DPF3: variants seen among roughly 807,000 people sequenced by gnomAD.
The protein encoded by DPF3 is double PHD fingers 3.
In DPF3, 18 loss-of-function variants were observed where a neutral mutation model predicts 56.8. The ratio of observed to expected loss-of-function variants is 0.32; its 90% confidence interval spans 0.22 to 0.47. The LOEUF is 0.47. Ranked by LOEUF, DPF3 falls within the 20% of genes least tolerant of loss-of-function variation. The pLI is 1.00. For missense variants in DPF3, 403 were observed against 488.8 expected, an observed-to-expected ratio of 0.82 and a Z score of 1.65; for synonymous variants, 188 against 180.2, an observed-to-expected ratio of 1.04 and a Z score of -0.35.
intron 1 of DPF3, among the ~76,000 whole-genome samples, chr14:72,775,086 A>G (rs371562197): frequency 1.3e-5 from 2 of 152,132 alleles, no homozygotes; most frequent in African/African-American, 4.8e-5. Flanking sequence ...TAGAGAACTG[A>G]CAAGAACATT....
chr14:72,654,867 CATT>C (rs1886019679), intron 8 of DPF3, among the ~76,000 whole-genome samples: 1 of 152,108 alleles, frequency 6.6e-6, no homozygotes, highest in South Asian at 2.1e-4. Flanking sequence ...ACTGGAGGGT[CATT>C]ATACAAAGTA....
intron 1 of DPF3, among the ~76,000 whole-genome samples, chr14:72,777,298 C>A (rs1891782387): frequency 6.6e-6 from 1 of 152,244 alleles, no homozygotes; most frequent in African/African-American, 2.4e-5. Flanking sequence ...TCAAACTGTT[C>A]ATGGAAAGCT....
chr14:72,879,108 G>A (rs913011243), intron 1 of DPF3, among the ~76,000 whole-genome samples: 4 of 152,224 alleles, frequency 2.6e-5, no homozygotes, highest in African/African-American at 9.6e-5. Flanking sequence ...ATGTGGCCAG[G>A]CTTGGTGGCT....
intron 2 of DPF3, among the ~76,000 whole-genome samples, chr14:72,759,998 C>T (rs192975527): frequency 6.6e-6 from 1 of 151,990 alleles, no homozygotes; most frequent in African/African-American, 2.4e-5. Context: ...ATCAACAAAC[C>T]CACACTCTAA....
chr14:72,666,364 A>C (rs1487852837), intron 8 of DPF3, among the ~76,000 whole-genome samples: 1 of 152,210 alleles, frequency 6.6e-6, no homozygotes, highest in Non-Finnish European at 1.5e-5. Flanking sequence ...TCTTTTACAG[A>C]ATCAAATACC....
At chr14:72,829,615 AC>A (rs1883967538) in intron 1 of DPF3, among the ~76,000 whole-genome samples, 2 of 151,878 alleles carry the variant, frequency 1.3e-5, no homozygotes, top group Non-Finnish European at 2.9e-5. Context: ...CAAACTCCTG[AC>A]CTTGTGATCT....
chr14:72,867,307 G>A (rs903533101), intron 1 of DPF3, among the ~76,000 whole-genome samples: 4 of 152,116 alleles, frequency 2.6e-5, no homozygotes, highest in Non-Finnish European at 5.9e-5. Flanking sequence ...TCCCAGGCCT[G>A]GCCCCACCTT....
intron 1 of DPF3, among the ~76,000 whole-genome samples, chr14:72,860,652 A>AC (rs1885359994): frequency 6.6e-6 from 1 of 150,566 alleles, no homozygotes. Context: ...ACAAACCTCC[A>AC]CCTCCTGGTT....
intron 1 of DPF3, among the ~76,000 whole-genome samples, chr14:72,788,924 G>A (rs1375501149): frequency 6.6e-6 from 1 of 152,184 alleles, no homozygotes; most frequent in Non-Finnish European, 1.5e-5. Flanking sequence ...GATTATTTTT[G>A]TCTTCACCTG....
chr14:72,847,135 T>C (rs1884792271), intron 1 of DPF3, among the ~76,000 whole-genome samples: 1 of 152,192 alleles, frequency 6.6e-6, no homozygotes, highest in South Asian at 2.1e-4. Flanking sequence ...TCCCCAGATA[T>C]CCGTGAGTTG....
At chr14:72,673,454 T>C (rs201020831) in intron 8 of DPF3, among the ~76,000 whole-genome samples, 4 of 152,078 alleles carry the variant, frequency 2.6e-5, no homozygotes, top group East Asian at 3.9e-4. Context: ...ATATGAAAAA[T>C]AGGTAGTACC....
intron 2 of DPF3, among the ~76,000 whole-genome samples, chr14:72,768,848 C>CA (rs900729531): frequency 6.7e-6 from 1 of 149,842 alleles, no homozygotes; most frequent in Non-Finnish European, 1.5e-5. Context: ...AAAAGACTTG[C>CA]AAAAAAAAGA....
intron 8 of DPF3, chr14:72,671,427 T>G: frequency 1.4e-5 from 21 of 1,503,278 alleles, no homozygotes; most frequent in Non-Finnish European, 1.8e-5. Context: ...ATGCTATTCT[T>G]AATAGCAAGA....
intron 3 of DPF3, among the ~76,000 whole-genome samples, chr14:72,739,465 T>A (rs1387267058): frequency 1.3e-5 from 2 of 152,214 alleles, no homozygotes; most frequent in Non-Finnish European, 2.9e-5. Flanking sequence ...TCAATAAGTA[T>A]GAGCTCCCTT....
chr14:72,655,614 T>C lies in DPF3; in HGVS notation c.871+18626A>G, dbSNP rs184534260. On this transcript the variant is annotated intron_variant, in intron 8 of 10. Transcript: ENST00000556509. ...CTTTTTCACATACTTGGCATTTCTC[T>C]GGAGGAAAATGTGTCTTGCCACTGC... 1.4e-3 allele frequency among the ~76,000 whole-genome samples: 211 copies of C among 152,360 alleles called. 1 individual carries two copies. The highest frequency in any genetic ancestry group is 4.9e-3 in the African/African-American group (203 of 41,570).
At chr14:72,675,609 C>T (rs1886876824) in intron 7 of DPF3, 1 of 152,228 alleles carries the variant, frequency 6.6e-6, no homozygotes, top group South Asian at 2.1e-4. Flanking sequence ...TCCCTCTGGC[C>T]TCCACTTCCT....
rs142661648 is a variant in DPF3, at chr14:72,619,024, G to C, written c.*273C>G. Among the ~76,000 whole-genome samples, 3 of 152,346 alleles carry C rather than the reference G, an allele frequency of 2.0e-5. No individual in the cohort carries two copies. In the East Asian group the frequency reaches 5.8e-4, roughly 29 times the overall value. ...GGCCTCGGTGCTAGGGTAAAAGTGA[G>C]AGGGGTTCCACAGGGCTGGGGCCGG... is the stretch of plus-strand genomic sequence containing the variant. On this transcript the variant is annotated 3_prime_UTR_variant, in exon 11 of 11. Coordinates refer to ENST00000556509, the MANE Select transcript of DPF3 (RefSeq NM_001280542.3).
chr14:72,841,402 T>C (rs1186377123), intron 1 of DPF3, among the ~76,000 whole-genome samples: 1 of 152,128 alleles, frequency 6.6e-6, no homozygotes, highest in African/African-American at 2.4e-5. Context: ...GCAACTATAA[T>C]TGAAATTATA....
At chr14:72,793,147 C>A (rs1892509148) in intron 1 of DPF3, among the ~76,000 whole-genome samples, 2 of 152,222 alleles carry the variant, frequency 1.3e-5, no homozygotes, top group African/African-American at 2.4e-5. Context: ...ATCAATAGAA[C>A]TGCCTTGTTC....
Sources: gnomAD v4.1 joint callset for allele counts (sites outside exome capture counted in the v4.1 genomes callset) on GRCh38, gnomAD v4.1.1 for gene constraint, MANE v1.5 for transcripts, NCBI Gene and HGNC (gene_info 2026-07-23, HGNC 2026-07-21) for gene names.